Variants in NBEAL2 observed in about 807,000 individuals in gnomAD.
NBEAL2 encodes neurobeachin-like protein 2.
A neutral mutation model predicts 299.8 loss-of-function variants in NBEAL2; 160 were observed. The observed-to-expected ratio is 0.53, with a 90% CI of 0.47 to 0.61. NBEAL2 has a LOEUF of 0.61. Among genes scored for constraint, NBEAL2 ranks in the 20% least tolerant of loss-of-function variants. The pLI is 0.00. For synonymous variants in NBEAL2, 1,493 were observed against 1,542.3 expected (o/e 0.97, Z 0.75); for missense variants, 3,112 against 3,649.0 (o/e 0.85, Z 3.79).
At position 47,009,594 on chromosome 3, in the gene NBEAL2, G is replaced by A. The variant is rs1219801355; in HGVS notation, c.*274G>A. 4.3e-6 allele frequency: 2 copies of A among 469,488 alleles called. No homozygotes were observed. Among genetic ancestry groups the A allele is most frequent in the East Asian group, 3.6e-5 (1 of 27,644 alleles). 29.1% of individuals were successfully genotyped at this position (469,488 alleles called of 1,614,324 possible). ...TGCACAGTCTGGGGCGGGGTTCCCC[G>A]GCTTCCAAGTCGCTGTTTCGTCAAA... On this transcript the variant is annotated 3_prime_UTR_variant, in exon 54 of 54. Transcript: ENST00000450053.
Position 47,007,691 on chromosome 3 carries a change from C to G in NBEAL2, c.7501C>G (p.His2501Asp). The change falls in exon 48 of 54, where the codon CAC becomes GAC. Residue 2501 changes from histidine to aspartate, a missense_variant. By Grantham distance (81) the His-to-Asp change is moderately conservative (BLOSUM62 -1). This residue lies in a region of NBEAL2 where 348 missense variants were observed against 381.4 expected (regional missense o/e 0.91). Transcript: ENST00000450053. ...CAAGCTGTTGAGCCAGCTCAGCTGC[C>G]ACCTTGGTATGAACAGCCTTGGAGC... is the stretch of plus-strand genomic sequence containing the variant. ...RGKLLSQLSC[H>D]LDVVTCLALD... 1 of 1,608,878 alleles carries G rather than the reference C, an allele frequency of 6.2e-7. No individual in the cohort carries two copies. The highest frequency in any genetic ancestry group is 8.5e-7 in the Non-Finnish European group (1 of 1,176,798).
chr3:46,992,526 C>G lies in NBEAL2; in HGVS notation c.1084C>G (p.Arg362Gly). The stretch of plus-strand genomic sequence containing the variant: ...CGAGGGGGACAGTGACCTGGCTACC[C>G]GGTTACTGACTGAGCCCGATGTCCA... ...PPEGDSDLAT[R>G]LLTEPDVQKV... Residue 362 changes from arginine to glycine, a missense_variant, in exon 10 of 54, where the codon CGG becomes GGG. Transcript: ENST00000450053. The G allele has an allele frequency of 6.2e-7, 1 of 1,602,706 alleles. No individual in the cohort carries two copies. Among genetic ancestry groups the G allele is most frequent in the Non-Finnish European group, 8.5e-7 (1 of 1,175,138 alleles).
intron 43 of NBEAL2, 21 bp downstream of exon 43, chr3:47,006,084 C>T (rs762464549): frequency 3.7e-6 from 6 of 1,612,898 alleles, no homozygotes; most frequent in Non-Finnish European, 5.1e-6. Flanking sequence ...CGCTGGACTC[C>T]AGTCAGGGCC....
Position 46,996,969 on chromosome 3 carries a change from A to G in NBEAL2, c.2572A>G (p.Ile858Val), listed in dbSNP as rs1166103204. 1 of 1,613,206 alleles carries G rather than the reference A, an allele frequency of 6.2e-7. No homozygotes were observed. The highest frequency in any genetic ancestry group is 2.2e-5 in the East Asian group (1 of 44,882). ...HYSPQACKNN[I>V]CLDLSPSHGL... ...CTATCCCTAGGCTTGTAAGAACAAC[A>G]TCTGCCTGGACCTGTCCCCCAGTCA... Residue 858 changes from isoleucine (I) to valine (V), a missense_variant, in exon 18 of 54, where the codon ATC becomes GTC. Transcript: ENST00000450053.
At chr3:47,006,991 G>A (rs546374542) in intron 45 of NBEAL2, 75 bp from the exon 46 acceptor site, 2 of 1,237,704 alleles carry the variant, frequency 1.6e-6, no homozygotes, top group East Asian at 4.9e-5. Context: ...GTAAAGGAAG[G>A]GATGATGCTT....
chr3:47,007,547 C>T lies in NBEAL2; in HGVS notation c.7357C>T (p.Pro2453Ser), dbSNP rs767212988. Residue 2453 changes from proline (P) to serine (S), a missense_variant, in exon 48 of 54, where the codon CCG (proline) becomes TCG (serine). Transcript: ENST00000450053. The stretch of plus-strand genomic sequence containing the variant: ...CAGGACGCAGCGACTGCTGAGTGGC[C>T]CGTGGGTGCCAGGCAGTGGTGTGAG... The part of the protein sequence containing the change: ...SHKTQRLLSG[P>S]WVPGSGVSGQ... The T allele has an allele frequency of 3.1e-6, 5 of 1,612,190 alleles. No individual in the cohort carries two copies. The highest frequency in any genetic ancestry group is 3.3e-5 in the Admixed American group (2 of 59,880).
In NBEAL2 at chr3:47,006,418, A is replaced by G; in HGVS notation, c.7103A>G (p.His2368Arg). 1 of 1,590,778 alleles carries G rather than the reference A, an allele frequency of 6.3e-7. No individual in the cohort carries two copies. Among genetic ancestry groups the G allele is most frequent in the Non-Finnish European group, 8.6e-7 (1 of 1,168,496 alleles). ...LDTNSPSIFQ[H>R]LDELKAFFAE... Reference sequence around the variant, plus strand: ...ACTAACTCACCTAGCATCTTCCAGCACCTGGACGAACTCAAGGCATTCTTC... The same window carrying G: ...ACTAACTCACCTAGCATCTTCCAGCGCCTGGACGAACTCAAGGCATTCTTC... The change falls in exon 45 of 54, where the codon CAC (histidine) becomes CGC (arginine). Residue 2368 changes from histidine (H) to arginine (R), a missense_variant. Physicochemically the swap from His to Arg is conservative, Grantham distance 29. Transcript: ENST00000450053.
At chr3:46,986,860 G>A (rs2035704620) in intron 1 of NBEAL2, among the ~76,000 whole-genome samples, 1 of 152,224 alleles carries the variant, frequency 6.6e-6, no homozygotes, top group African/African-American at 2.4e-5. Flanking sequence ...CAATGGGAGA[G>A]GTTCAGAAGA....
At chr3:46,992,453 G>A in intron 9 of NBEAL2, 22 bp from the exon 10 acceptor site, 1 of 1,594,514 alleles carries the variant, frequency 6.3e-7, no homozygotes, top group Non-Finnish European at 8.5e-7. Flanking sequence ...CCTCCACCCT[G>A]TGCCTCCCCA....
intron 6 of NBEAL2, among the ~76,000 whole-genome samples, chr3:46,990,106 C>T (rs536448277): frequency 1.3e-5 from 2 of 152,202 alleles, no homozygotes; most frequent in African/African-American, 4.8e-5. Flanking sequence ...GGGAGACTGG[C>T]CAGGACTTTA....
chr3:46,993,912 C>G (rs772546645), intron 10 of NBEAL2, 25 bp from the exon 11 acceptor site: 3 of 1,597,814 alleles, frequency 1.9e-6, no homozygotes, highest in Non-Finnish European at 2.6e-6. Context: ...CCCTGCCTCT[C>G]CTGATGGCCC....
At chr3:47,007,965 C>T in intron 49 of NBEAL2, 55 bp downstream of exon 49, 21 of 1,583,072 alleles carry the variant, frequency 1.3e-5, no homozygotes, top group Non-Finnish European at 1.8e-5. Context: ...TGCAGCCCAT[C>T]CGTCCCTCAG....
At position 47,009,502 on chromosome 3, in the gene NBEAL2, G is replaced by A; in HGVS notation, c.*182G>A. On this transcript the variant is annotated 3_prime_UTR_variant, in exon 54 of 54. Transcript: ENST00000450053. ...TCAGGGATTGGCGGGCGGAAGTCCC[G>A]CCCCTCGCCGGCTGAGGGGCCGCCC... The A allele has an allele frequency of 1.5e-6, 1 of 645,740 alleles. No individual in the cohort carries two copies. Among genetic ancestry groups the A allele is most frequent in the Non-Finnish European group, 2.6e-6 (1 of 381,576 alleles). The allele number at this position is 645,740 out of a possible 1,614,324, so 40.0% of individuals were successfully genotyped here.
At chr3:47,007,766 G>A in intron 48 of NBEAL2, 50 bp from the exon 49 acceptor site, 1 of 1,608,596 alleles carries the variant, frequency 6.2e-7, no homozygotes, top group Non-Finnish European at 8.5e-7. Flanking sequence ...AGGCTGGCCA[G>A]GGCGGATGTG....
chr3:46,984,136 T>TG (rs2035536074), intron 1 of NBEAL2, among the ~76,000 whole-genome samples: 1 of 15,426 alleles, frequency 6.5e-5, no homozygotes, highest in Non-Finnish European at 3.1e-4. Context: ...CCATCTCTAC[T>TG]AAAAAAAAAA....
chr3:46,991,971 G>T lies in NBEAL2; in HGVS notation c.1032+25G>T. The T allele has an allele frequency of 6.4e-7, 1 of 1,565,294 alleles. No homozygotes were observed. Among genetic ancestry groups the T allele is most frequent in the African/African-American group, 1.4e-5 (1 of 73,876 alleles). On this transcript the variant is annotated intron_variant, in intron 9 of 53. Transcript: ENST00000450053. This position sits in a 1 kb window ranked among gnomAD's most constrained non-coding sequence, Gnocchi z 6.2. ...GGTGGGTAGGGCCCAGCCTGGGGGT[G>T]AGGGTCTGGAAGCCAGAGGCTAGGG...
chr3:47,005,582 A>G lies in NBEAL2; in HGVS notation c.6654A>G (p.Glu2218=). 1 of 1,613,392 alleles carries G rather than the reference A, an allele frequency of 6.2e-7. No homozygotes were observed. Among genetic ancestry groups the G allele is most frequent in the South Asian group, 1.1e-5 (1 of 90,956 alleles). Residue 2218 remains glutamate (E), a synonymous_variant, in exon 41 of 54, where the codon GAA becomes GAG. Transcript: ENST00000450053. ...CCGATGTGAAGGAGCTCATCCCGGA[A>G]TTCTTCTACTTTCCTGACTTCCTGG... ...SPADVKELIP[E]FFYFPDFLEN...
intron 1 of NBEAL2, among the ~76,000 whole-genome samples, chr3:46,987,749 C>T (rs1336221211): frequency 6.6e-6 from 1 of 152,112 alleles, no homozygotes; most frequent in East Asian, 1.9e-4. Flanking sequence ...AGGCGCCAAC[C>T]TCATGCTTGT....
chr3:47,000,277 A>G lies in NBEAL2; in HGVS notation c.4178A>G (p.Asp1393Gly). 1.2e-6 allele frequency: 2 copies of G among 1,612,880 alleles called. No individual in the cohort carries two copies. Among genetic ancestry groups the G allele is most frequent in the Admixed American group, 3.3e-5 (2 of 60,016 alleles). Reference protein sequence around the residue: ...ASQPGTPSPLDGPRPFPAAPG... With the variant: ...ASQPGTPSPLGGPRPFPAAPG... ...CAGCCCGGCACTCCTTCGCCACTGG[A>G]TGGGCCGCGGCCCTTTCCTGCTGCT... is the stretch of plus-strand genomic sequence containing the variant. The change falls in exon 27 of 54, where the codon GAT (aspartate) becomes GGT (glycine). Residue 1393 changes from aspartate (D) to glycine (G), a missense_variant. This residue lies in a region of NBEAL2 where 2,243 missense variants were observed against 2,538.1 expected (regional missense o/e 0.88). Coordinates refer to ENST00000450053, the MANE Select transcript of NBEAL2 (RefSeq NM_015175.3). This position sits in a 1 kb window ranked among gnomAD's most constrained non-coding sequence, Gnocchi z 4.5.
Sources: gnomAD v4.1 joint callset for allele counts (sites outside exome capture counted in the v4.1 genomes callset) on GRCh38, gnomAD v4.1.1 for gene constraint, gnomAD v4.1.1 regional missense constraint, Gnocchi (gnomAD v3.1) non-coding constraint, MANE v1.5 for transcripts, NCBI Gene and HGNC (gene_info 2026-07-23, HGNC 2026-07-21) for gene names.